LIX1: variants seen among roughly 807,000 people sequenced by gnomAD.
LIX1 encodes protein limb expression 1 homolog.
LIX1 carries 24 observed loss-of-function variants against 33.4 expected under a neutral mutation model. That is an observed-to-expected ratio of 0.72 (90% CI 0.52 to 1.01). The LOEUF (loss-of-function observed/expected upper bound fraction) is 1.01, where lower values mean the gene tolerates loss of function less well. LIX1 is among the 50% of genes least tolerant of loss of function. The probability of loss-of-function intolerance (pLI) is 0.00; values close to 1 mark genes in which losing one functional copy is unlikely to be tolerated. For missense variants in LIX1, 311 were observed against 339.2 expected, an observed-to-expected ratio of 0.92 and a Z score of 0.65; for synonymous variants, 124 against 124.0, an observed-to-expected ratio of 1.00 and a Z score of 0.00.
intron 1 of LIX1, among the ~76,000 whole-genome samples, chr5:97,131,393 T>G (rs1748053786): frequency 6.6e-6 from 1 of 152,186 alleles, no homozygotes. Flanking sequence ...CCTACCCACA[T>G]GTACCTCCTT....
intron 2 of LIX1, among the ~76,000 whole-genome samples, chr5:97,120,194 A>T (rs893036869): frequency 6.6e-6 from 1 of 152,208 alleles, no homozygotes; most frequent in African/African-American, 2.4e-5. Flanking sequence ...TTCCTAGCCC[A>T]CTATCTTGCA....
Position 97,094,962 on chromosome 5 carries a change from A to C in LIX1, c.635T>G (p.Met212Arg). 6.2e-7 allele frequency: 1 copy of C among 1,614,116 alleles called. No homozygotes were observed. Among genetic ancestry groups the C allele is most frequent in the Non-Finnish European group, 8.5e-7 (1 of 1,180,030 alleles). The change falls in exon 6 of 6, where the codon ATG becomes AGG. Residue 212 changes from methionine to arginine, a missense_variant. Physicochemically the swap from Met to Arg is moderately conservative, Grantham distance 91. Transcript: ENST00000274382. ...MRSHMALDWI[M>R]KERDSPGIVS... ...AATTCCTGGTGAGTCCCGCTCCTTC[A>C]TGATCCAGTCCAGGGCCATGTGGCT...
rs1052988664 is a variant in LIX1, at chr5:97,142,584, C to G, written c.-8G>C. The G allele has an allele frequency of 6.2e-7, 1 of 1,613,122 alleles. No homozygotes were observed. Among genetic ancestry groups the G allele is most frequent in the South Asian group, 1.1e-5 (1 of 91,036 alleles). The stretch of plus-strand genomic sequence containing the variant: ...TTCCAAGGTTCTGTCCATCTTGGGT[C>G]TGCCTGTGTGAGCCTCCTGTACAGA... On this transcript the variant is annotated 5_prime_UTR_variant, in exon 1 of 6. Coordinates refer to ENST00000274382, the MANE Select transcript of LIX1 (RefSeq NM_153234.5).
At chr5:97,129,974 C>G (rs1748019058) in intron 1 of LIX1, among the ~76,000 whole-genome samples, 2 of 152,184 alleles carry the variant, frequency 1.3e-5, no homozygotes, top group African/African-American at 4.8e-5. Context: ...TGCACATTTT[C>G]AAACAAGTCA....
chr5:97,141,038 A>T (rs552040046), intron 1 of LIX1, among the ~76,000 whole-genome samples: 1 of 152,326 alleles, frequency 6.6e-6, no homozygotes, highest in African/African-American at 2.4e-5. Flanking sequence ...AAACAATCGC[A>T]GCAATTTAGT....
chr5:97,123,328 A>G (rs1303667101), intron 2 of LIX1, among the ~76,000 whole-genome samples: 1 of 151,992 alleles, frequency 6.6e-6, no homozygotes, highest in Non-Finnish European at 1.5e-5. Context: ...CAGGTACTTC[A>G]TACTTTCTTC....
intron 4 of LIX1, among the ~76,000 whole-genome samples, chr5:97,099,488 A>AC (rs1746568994): frequency 6.6e-6 from 1 of 152,234 alleles, no homozygotes; most frequent in Non-Finnish European, 1.5e-5. Context: ...TTTATGTCTT[A>AC]TAAAGATCCA....
intron 4 of LIX1, among the ~76,000 whole-genome samples, 183 bp downstream of exon 4, chr5:97,105,007 C>T (rs73775656): frequency 0.011 from 1,688 of 152,230 alleles, 25 homozygotes; most frequent in African/African-American, 0.039. Flanking sequence ...TGTTTGTTTA[C>T]GCCTATGATG....
At chr5:97,137,251 A>G (rs374975216) in intron 1 of LIX1, 2 of 311,354 alleles carry the variant, frequency 6.4e-6, no homozygotes, top group Admixed American at 4.2e-5. Flanking sequence ...AGAGCAGTCA[A>G]TGAAGAGGTC....
intron 4 of LIX1, among the ~76,000 whole-genome samples, chr5:97,103,343 A>G (rs1746820893): frequency 6.6e-6 from 1 of 152,222 alleles, no homozygotes; most frequent in African/African-American, 2.4e-5. Context: ...CTTCAGAAAT[A>G]CATCTAATAA....
intron 1 of LIX1, among the ~76,000 whole-genome samples, chr5:97,125,883 C>T (rs924162176): frequency 5.9e-5 from 9 of 152,068 alleles, no homozygotes; most frequent in Admixed American, 5.9e-4. Flanking sequence ...TTTCTGGAGC[C>T]GTAGGAGGTA....
At chr5:97,102,938 A>G (rs1015306027) in intron 4 of LIX1, 17 of 374,654 alleles carry the variant, frequency 4.5e-5, no homozygotes, top group Non-Finnish European at 6.7e-5. Context: ...GCTTAGGGGA[A>G]GCATTATGCC....
At chr5:97,116,076 A>C (rs902256447) in intron 2 of LIX1, among the ~76,000 whole-genome samples, 5 of 152,098 alleles carry the variant, frequency 3.3e-5, no homozygotes, top group African/African-American at 1.2e-4. Context: ...TGACTTGCGG[A>C]GTTTGTGCGT....
chr5:97,103,207 C>A, intron 4 of LIX1: 1 of 373,928 alleles, frequency 2.7e-6, no homozygotes, highest in South Asian at 2.1e-5. Context: ...GGACCTTTTA[C>A]AGATCGACTC....
At position 97,099,747 on chromosome 5, in the gene LIX1, A is replaced by G. The variant is rs150829363; in HGVS notation, c.484-2860T>C. 5.5e-3 allele frequency among the ~76,000 whole-genome samples: 837 copies of G among 152,182 alleles called. 7 individuals are homozygous for G. Among genetic ancestry groups the G allele is most frequent in the African/African-American group, 0.019 (779 of 41,516 alleles). On this transcript the variant is annotated intron_variant, in intron 4 of 5. Coordinates refer to ENST00000274382, the MANE Select transcript of LIX1 (RefSeq NM_153234.5). ...AGCTACTCGGGAGGCTGAGGCAGGAAAATTGTTTGAACCTGGGAGGCGGAG... is the reference window on the plus strand; with the variant it reads ...AGCTACTCGGGAGGCTGAGGCAGGAGAATTGTTTGAACCTGGGAGGCGGAG...
intron 1 of LIX1, among the ~76,000 whole-genome samples, chr5:97,135,344 T>C (rs1340683637): frequency 6.6e-6 from 1 of 152,232 alleles, no homozygotes; most frequent in Non-Finnish European, 1.5e-5. Flanking sequence ...TTTTTAAGTA[T>C]ACCATAGTTA....
chr5:97,120,711 G>T (rs1290060176), intron 2 of LIX1, among the ~76,000 whole-genome samples: 1 of 152,098 alleles, frequency 6.6e-6, no homozygotes, highest in Non-Finnish European at 1.5e-5. Flanking sequence ...AGAGGAAATC[G>T]GGGAGATAAA....
intron 4 of LIX1, among the ~76,000 whole-genome samples, chr5:97,098,998 C>A (rs752490713): frequency 6.6e-6 from 1 of 152,182 alleles, no homozygotes; most frequent in African/African-American, 2.4e-5. Flanking sequence ...AGCCCACAGA[C>A]ACCTCAGTAA....
At chr5:97,134,418 C>A (rs1324549409) in intron 1 of LIX1, among the ~76,000 whole-genome samples, 2 of 152,242 alleles carry the variant, frequency 1.3e-5, no homozygotes, top group Admixed American at 1.3e-4. Context: ...CCGTGCCCGG[C>A]AGCCATATTT....
Sources: gnomAD v4.1 joint callset for allele counts (sites outside exome capture counted in the v4.1 genomes callset) on GRCh38, gnomAD v4.1.1 for gene constraint, MANE v1.5 for transcripts, NCBI Gene and HGNC (gene_info 2026-07-23, HGNC 2026-07-21) for gene names.